Variants in HMGCLL1 observed in about 807,000 individuals in gnomAD.
HMGCLL1 encodes the protein 3-hydroxymethyl-3-methylglutaryl-CoA lyase, cytoplasmic.
Under a neutral mutation model 39.1 loss-of-function variants are expected in HMGCLL1, and 36 were observed. That is an observed-to-expected ratio of 0.92 (90% CI 0.71 to 1.22). The LOEUF (loss-of-function observed/expected upper bound fraction) is 1.22, where lower values mean the gene tolerates loss of function less well. HMGCLL1 is among the 50% of genes most tolerant of loss of function. HMGCLL1 has a pLI of 0.00. For missense variants in HMGCLL1, 451 were observed against 416.5 expected (o/e 1.08, Z -0.72); for synonymous variants, 149 against 144.0 (o/e 1.03, Z -0.25).
At chr6:55,590,346 G>C in the HMGCLL1 span, among the ~76,000 whole-genome samples, 6 of 151,914 alleles carry the variant, frequency 3.9e-5, no homozygotes, top group Non-Finnish European at 7.4e-5. Flanking sequence ...CTGGCTAGCC[G>C]TATGTAGAAA....
chr6:55,457,780 A>T (rs1364629436), intron 7 of HMGCLL1, among the ~76,000 whole-genome samples: 2 of 152,136 alleles, frequency 1.3e-5, no homozygotes, highest in East Asian at 1.9e-4. Context: ...ACTCTTTTTC[A>T]TAAGCTCTAA....
chr6:55,549,083 A>G (rs1345004113), intron 1 of HMGCLL1, among the ~76,000 whole-genome samples: 1 of 151,712 alleles, frequency 6.6e-6, no homozygotes, highest in Admixed American at 6.6e-5. Flanking sequence ...TATTCATGGC[A>G]ATTTAACATT....
intron 3 of HMGCLL1, among the ~76,000 whole-genome samples, chr6:55,523,786 A>G (rs1768163415): frequency 6.6e-6 from 1 of 151,962 alleles, no homozygotes; most frequent in Non-Finnish European, 1.5e-5. Context: ...TTAAGGAGAA[A>G]CAAAATTCAA....
the HMGCLL1 span, among the ~76,000 whole-genome samples, chr6:55,615,280 A>C: frequency 1.3e-5 from 2 of 152,148 alleles, no homozygotes; most frequent in Non-Finnish European, 2.9e-5. Context: ...AGGAAAAAAA[A>C]GAAAGGAAAT....
At chr6:55,625,984 G>C in the HMGCLL1 span, among the ~76,000 whole-genome samples, 2 of 152,126 alleles carry the variant, frequency 1.3e-5, no homozygotes, top group African/African-American at 2.4e-5. Context: ...AGTCGTCATG[G>C]TGCAGGGATG....
chr6:55,437,356 A>G (rs1482288478), intron 8 of HMGCLL1, among the ~76,000 whole-genome samples: 1 of 151,974 alleles, frequency 6.6e-6, no homozygotes, highest in African/African-American at 2.4e-5. Flanking sequence ...AGTTAAAGCC[A>G]CAAATAGAGA....
At chr6:55,647,349 C>G in the HMGCLL1 span, among the ~76,000 whole-genome samples, 1 of 151,882 alleles carries the variant, frequency 6.6e-6, no homozygotes, top group Admixed American at 6.6e-5. Context: ...TACATCCATT[C>G]AGGCACTCTA....
intron 5 of HMGCLL1, among the ~76,000 whole-genome samples, chr6:55,508,452 T>G (rs533523337): frequency 6.6e-6 from 1 of 151,988 alleles, no homozygotes; most frequent in African/African-American, 2.4e-5. Flanking sequence ...ATTTATCGAA[T>G]ACTTATTATT....
At chr6:55,668,440 G>C in the HMGCLL1 span, among the ~76,000 whole-genome samples, 1 of 151,816 alleles carries the variant, frequency 6.6e-6, no homozygotes, top group Admixed American at 6.6e-5. Flanking sequence ...GTAAGTTAGG[G>C]GCTCTGGTTC....
At chr6:55,548,959 G>A (rs748111378) in intron 1 of HMGCLL1, among the ~76,000 whole-genome samples, 2 of 151,590 alleles carry the variant, frequency 1.3e-5, no homozygotes, top group African/African-American at 2.4e-5. Flanking sequence ...ATTCAAAACA[G>A]AAAAACTTCT....
At chr6:55,590,614 A>G in the HMGCLL1 span, among the ~76,000 whole-genome samples, 2 of 152,096 alleles carry the variant, frequency 1.3e-5, no homozygotes, top group South Asian at 4.1e-4. Context: ...GTGAACAGGA[A>G]ATCAGTTTTT....
At chr6:55,451,896 A>G (rs1764103458) in intron 7 of HMGCLL1, among the ~76,000 whole-genome samples, 1 of 152,220 alleles carries the variant, frequency 6.6e-6, no homozygotes, top group African/African-American at 2.4e-5. Context: ...GAAAATAGCA[A>G]AAGCAGCAGG....
chr6:55,637,764 G>A, the HMGCLL1 span, among the ~76,000 whole-genome samples: 71 of 151,888 alleles, frequency 4.7e-4, no homozygotes, highest in African/African-American at 1.7e-3. Flanking sequence ...GTCTGTGTGT[G>A]TGTGTTTCCC....
the HMGCLL1 span, among the ~76,000 whole-genome samples, chr6:55,653,384 G>T: frequency 1.3e-5 from 2 of 151,846 alleles, no homozygotes; most frequent in East Asian, 1.9e-4. Flanking sequence ...ATGAAACCTA[G>T]AACAGGAAAA....
chr6:55,599,476 T>C, the HMGCLL1 span, among the ~76,000 whole-genome samples: 1 of 152,124 alleles, frequency 6.6e-6, no homozygotes, highest in African/African-American at 2.4e-5. Flanking sequence ...AGATTATCCT[T>C]CCATATTGGA....
the HMGCLL1 span, among the ~76,000 whole-genome samples, chr6:55,631,805 A>G: frequency 6.6e-6 from 1 of 152,088 alleles, no homozygotes; most frequent in Admixed American, 6.6e-5. Context: ...TAAAAGATAT[A>G]CAAAGTTTGA....
chr6:55,482,691 G>A (rs914033373), intron 7 of HMGCLL1, among the ~76,000 whole-genome samples: 2 of 151,912 alleles, frequency 1.3e-5, no homozygotes, highest in Non-Finnish European at 2.9e-5. Context: ...TAAGAAATGT[G>A]AGCTTTATTT....
chr6:55,549,402 G>GTGTGTGTC (rs1288563581), intron 1 of HMGCLL1, among the ~76,000 whole-genome samples: 1 of 151,536 alleles, frequency 6.6e-6, no homozygotes, highest in African/African-American at 2.4e-5. Context: ...GTGTGTGTGT[G>GTGTGTGTC]TGTGTCTGTG....
chr6:55,658,950 G>A, the HMGCLL1 span, among the ~76,000 whole-genome samples: 1 of 151,866 alleles, frequency 6.6e-6, no homozygotes, highest in African/African-American at 2.4e-5. Flanking sequence ...AGATCATTCT[G>A]ACTTCTGTGT....
Sources: allele counts gnomAD v4.1 joint callset (sites outside exome capture counted in the v4.1 genomes callset), GRCh38; gene constraint gnomAD v4.1.1; transcripts MANE v1.5; gene names NCBI Gene and HGNC (gene_info 2026-07-23, HGNC 2026-07-21).